ECI2: variants seen among roughly 807,000 people sequenced by gnomAD.
ECI2 encodes the protein enoyl-CoA delta isomerase 2.
A neutral mutation model predicts 38.4 loss-of-function variants in ECI2; 27 were observed. The ratio of observed to expected loss-of-function variants is 0.70; its 90% confidence interval spans 0.52 to 0.97. The LOEUF is 0.97. Among genes scored for constraint, ECI2 ranks in the 50% least tolerant of loss-of-function variants. The pLI, the probability that ECI2 is intolerant of heterozygous loss-of-function variation, is 0.00. For synonymous variants in ECI2, 168 were observed against 172.0 expected (o/e 0.98, Z 0.18); for missense variants, 470 against 474.4 (o/e 0.99, Z 0.09).
At chr6:4,125,198 C>T in intron 7 of ECI2, 52 bp downstream of exon 7, 3 of 1,601,250 alleles carry the variant, frequency 1.9e-6, no homozygotes. Flanking sequence ...GATTCAAAGG[C>T]TCTCATCTCG....
chr6:4,115,863 T>C lies in ECI2; in HGVS notation c.*11A>G. On this transcript the variant is annotated 3_prime_UTR_variant, in exon 10 of 10. Coordinates refer to ENST00000380118, the MANE Select transcript of ECI2 (RefSeq NM_206836.3). ...CTTCCTTGGACATGCTTTACTCTGC[T>C]GTAGTGGTCATCACAGTTTTGATTT... 6 of 1,608,238 alleles carry C rather than the reference T, an allele frequency of 3.7e-6. No homozygotes were observed. The highest frequency in any genetic ancestry group is 5.1e-6 in the Non-Finnish European group (6 of 1,177,292).
intron 5 of ECI2, among the ~76,000 whole-genome samples, chr6:4,127,356 G>A (rs1039276403): frequency 4.9e-5 from 6 of 122,080 alleles, no homozygotes; most frequent in African/African-American, 1.8e-4. Context: ...AACATTTTTT[G>A]TATATTTATA....
chr6:4,116,121 C>T (rs1179877213), intron 9 of ECI2, 92 bp from the exon 10 acceptor site: 21 of 1,426,784 alleles, frequency 1.5e-5, no homozygotes, highest in Middle Eastern at 1.8e-4. Flanking sequence ...GAGGCCGAGG[C>T]GGGCAGATCA....
At chr6:4,119,423 C>G in intron 7 of ECI2, 148 bp from the exon 8 acceptor site, 1 of 548,228 alleles carries the variant, frequency 1.8e-6, no homozygotes, top group South Asian at 2.1e-5. Context: ...TGGGTTCAAG[C>G]GATTCTCCTG....
At position 4,131,728 on chromosome 6, in the gene ECI2, G is replaced by T. The variant is rs1038280940; in HGVS notation, c.214-863C>A. Among the ~76,000 whole-genome samples, 116 of 152,074 alleles carry T rather than the reference G, an allele frequency of 7.6e-4. 2 individuals carry two copies. The highest frequency in any genetic ancestry group is 7.4e-3 in the Admixed American group (113 of 15,280). On this transcript the variant is annotated intron_variant, in intron 2 of 9. Transcript: ENST00000380118. ...AAAAATTAGCCAGGCATGGTGGCAG[G>T]TTCCTGTAATTCCAGCTGCTTGGGA...
intron 4 of ECI2, among the ~76,000 whole-genome samples, chr6:4,128,399 C>G (rs568106918): frequency 1.3e-5 from 2 of 152,212 alleles, no homozygotes; most frequent in South Asian, 4.2e-4. Flanking sequence ...AATTTTAAAT[C>G]AGCAACATTT....
chr6:4,117,325 C>A lies in ECI2; in HGVS notation c.1012G>T (p.Ala338Ser). Reference sequence around the variant, plus strand: ...ATACTAACATTTGGGGGAAGCTTTGCAAATGCCTTCAGCCTGGTCCAGACT... The same window carrying A: ...ATACTAACATTTGGGGGAAGCTTTGAAAATGCCTTCAGCCTGGTCCAGACT... Reference protein sequence around the residue: ...KEVWTRLKAFAKLPPNALRIS... With the variant: ...KEVWTRLKAFSKLPPNALRIS... The change falls in exon 9 of 10, where the codon GCA (alanine) becomes TCA (serine). Residue 338 changes from alanine (A) to serine (S), a missense_variant. Ala to Ser is a moderately conservative substitution (Grantham distance 99). Coordinates refer to ENST00000380118, the MANE Select transcript of ECI2 (RefSeq NM_206836.3). The A allele has an allele frequency of 3.1e-6, 5 of 1,603,802 alleles. No homozygotes were observed. The highest frequency in any genetic ancestry group is 1.1e-5 in the South Asian group (1 of 88,614).
intron 8 of ECI2, chr6:4,118,035 CTCT>C (rs1311165096): frequency 2.0e-5 from 3 of 152,186 alleles, no homozygotes; most frequent in Admixed American, 6.6e-5. Context: ...AAAAGGAATG[CTCT>C]TCTTTTTTTT....
chr6:4,130,224 T>G (rs1347141664), intron 4 of ECI2, 148 bp downstream of exon 4: 1 of 1,613,542 alleles, frequency 6.2e-7, no homozygotes, highest in African/African-American at 1.3e-5. Flanking sequence ...CTCTGTTGTA[T>G]GAAGTAGCCA....
In ECI2 at chr6:4,130,425, T is replaced by C. The variant is rs200728832; in HGVS notation, c.448A>G (p.Ile150Val). The change falls in exon 4 of 10, where the codon ATC (isoleucine) becomes GTC (valine). Residue 150 changes from isoleucine (I) to valine (V), a missense_variant. By Grantham distance (29) the Ile-to-Val change is conservative. Transcript: ENST00000380118. ...ETLVVTSEDGITKIMFNRPKK... is the reference protein window; with the variant it reads ...ETLVVTSEDGVTKIMFNRPKK... Reference sequence around the variant, plus strand: ...GGCCGGTTGAACATGATCTTTGTGATGCCATCTTCGGAGGTCACCACCAGA... The same window carrying C: ...GGCCGGTTGAACATGATCTTTGTGACGCCATCTTCGGAGGTCACCACCAGA... 6.2e-6 allele frequency: 10 copies of C among 1,614,252 alleles called. No homozygotes were observed. In the South Asian group the frequency reaches 1.1e-4, roughly 18 times the overall value.
rs1773466830 is a variant in ECI2, at chr6:4,130,770, G to A, written c.309C>T (p.Pro103=). Residue 103 remains proline (P), a synonymous_variant, in exon 3 of 10, where the codon CCC becomes CCT. Transcript: ENST00000380118. ...GCACAGTAACTAGTAAACTCACCTT[G>A]GGCAGGCTGCCAAGGGCATTCCATG... The part of the protein sequence containing the change: ...WDAWNALGSL[P]KEAARQNYVD... 6.2e-7 allele frequency: 1 copy of A among 1,614,036 alleles called. No homozygotes were observed. The highest frequency in any genetic ancestry group is 8.5e-7 in the Non-Finnish European group (1 of 1,180,006).
chr6:4,134,872 A>G lies in ECI2; in HGVS notation c.50+639T>C, dbSNP rs1010314619. Among the ~76,000 whole-genome samples, 8 of 152,206 alleles carry G rather than the reference A, an allele frequency of 5.3e-5. No homozygotes were observed. The South Asian group carries it at 1.7e-3, about 32-fold the overall frequency. ...TGAGTTTTAAAAACAAATAGCAAAA[A>G]CACGACCATTTAAGAAAATACATAA... On this transcript the variant is annotated intron_variant, in intron 1 of 9. Coordinates refer to ENST00000380118, the MANE Select transcript of ECI2 (RefSeq NM_206836.3).
intron 7 of ECI2, among the ~76,000 whole-genome samples, chr6:4,122,623 G>A (rs1772877721): frequency 6.6e-6 from 1 of 152,056 alleles, no homozygotes; most frequent in Non-Finnish European, 1.5e-5. Context: ...AGCCTACCAA[G>A]TAGCTGGGAC....
At position 4,130,526 on chromosome 6, in the gene ECI2, G is replaced by T; in HGVS notation, c.347C>A (p.Ser116Tyr). The change falls in exon 4 of 10, where the codon TCC (serine) becomes TAC (tyrosine). Residue 116 changes from serine to tyrosine, a missense_variant. By Grantham distance (144) the Ser-to-Tyr change is moderately radical. Coordinates refer to ENST00000380118, the MANE Select transcript of ECI2 (RefSeq NM_206836.3). ...AARQNYVDLV[S>Y]SLSPSLESSS... ...GGATTCCAATGAAGGACTCAAACTG[G>T]ACACCAAATCCACATAGTTCTGCCT... The T allele has an allele frequency of 6.8e-6, 11 of 1,614,186 alleles. No homozygotes were observed. The highest frequency in any genetic ancestry group is 9.3e-6 in the Non-Finnish European group (11 of 1,180,044).
In ECI2 at chr6:4,133,320, G is replaced by T. The variant is rs1453198543; in HGVS notation, c.213+229C>A. Among the ~76,000 whole-genome samples the T allele has an allele frequency of 2.0e-5, 3 of 151,744 alleles. No individual in the cohort carries two copies. The East Asian group carries it at 5.8e-4, about 29-fold the overall frequency. ...TCTACAAATGTGAATATTATATCTC[G>T]TAAGTCTCTTTTACTCGTGTGACAC... On this transcript the variant is annotated intron_variant, in intron 2 of 9. Coordinates refer to ENST00000380118, the MANE Select transcript of ECI2 (RefSeq NM_206836.3).
At chr6:4,133,827 T>TATA in intron 1 of ECI2, 116 bp from the exon 2 acceptor site, 1 of 1,274,132 alleles carries the variant, frequency 7.8e-7, no homozygotes, top group Non-Finnish European at 1.0e-6. Context: ...ATAGATATTT[T>TATA]CTTTATACTT....
Position 4,130,497 on chromosome 6 carries a change from T to G in ECI2, c.376A>C (p.Ser126Arg). ...CTGTCTGTTCCAGGCTCCACCTGAC[T>G]AGAGGATTCCAATGAAGGACTCAAA... ...SSLSPSLESS[S>R]QVEPGTDRKS... The change falls in exon 4 of 10, where the codon AGT becomes CGT. Residue 126 changes from serine to arginine, a missense_variant. By Grantham distance (110) the Ser-to-Arg change is moderately radical. Transcript: ENST00000380118. 6.2e-7 allele frequency: 1 copy of G among 1,614,226 alleles called. No homozygotes were observed. The highest frequency in any genetic ancestry group is 8.5e-7 in the Non-Finnish European group (1 of 1,180,044).
chr6:4,126,254 C>T lies in ECI2; in HGVS notation c.572-17G>A, dbSNP rs1441016579. ...CACCATTTCCTATAAGTAAGAAAATCAACAGATCCCTCATTCAATCATCCT... is the reference window on the plus strand; with the variant it reads ...CACCATTTCCTATAAGTAAGAAAATTAACAGATCCCTCATTCAATCATCCT... On this transcript the variant is annotated splice_polypyrimidine_tract_variant and intron_variant, in intron 5 of 9. Coordinates refer to ENST00000380118, the MANE Select transcript of ECI2 (RefSeq NM_206836.3). 6.3e-6 allele frequency: 10 copies of T among 1,587,890 alleles called. No homozygotes were observed. The highest frequency in any genetic ancestry group is 7.8e-6 in the Non-Finnish European group (9 of 1,160,818).
rs1475216954 is a variant in ECI2, at chr6:4,115,989, C to G, written c.1070G>C (p.Arg357Thr). ...ISKEVIRKRE[R>T]EKLHAVNAEE... ...AGCATTAACAGCGTGTAGTTTTTCTCTCTCTCTTTTCCTGATTACCTCTTT... is the reference window on the plus strand; with the variant it reads ...AGCATTAACAGCGTGTAGTTTTTCTGTCTCTCTTTTCCTGATTACCTCTTT... The change falls in exon 10 of 10, where the codon AGA becomes ACA. Residue 357 changes from arginine to threonine, a missense_variant. Coordinates refer to ENST00000380118, the MANE Select transcript of ECI2 (RefSeq NM_206836.3). 1 of 1,614,096 alleles carries G rather than the reference C, an allele frequency of 6.2e-7. No individual in the cohort carries two copies. Among genetic ancestry groups the G allele is most frequent in the Non-Finnish European group, 8.5e-7 (1 of 1,180,012 alleles).
Sources: allele counts gnomAD v4.1 joint callset (sites outside exome capture counted in the v4.1 genomes callset), GRCh38; gene constraint gnomAD v4.1.1; transcripts MANE v1.5; gene names NCBI Gene and HGNC (gene_info 2026-07-23, HGNC 2026-07-21).